Variants in BAZ1B observed in about 807,000 individuals in gnomAD.
BAZ1B encodes the protein bromodomain adjacent to zinc finger domain 1B, also known as tyrosine-protein kinase BAZ1B.
In BAZ1B, 22 loss-of-function variants were observed where a neutral mutation model predicts 153.8. The observed-to-expected ratio is 0.14, with a 90% confidence interval of 0.10 to 0.20. BAZ1B has a LOEUF of 0.20. Ranked by LOEUF, BAZ1B falls within the 10% of genes least tolerant of loss-of-function variation. The pLI is 1.00. For synonymous variants in BAZ1B, 676 were observed against 633.4 expected, an observed-to-expected ratio of 1.07 and a Z score of -1.01; for missense variants, 1,325 against 1,799.3, an observed-to-expected ratio of 0.74 and a Z score of 4.77.
chr7:73,512,241 G>C (rs1790616915), intron 1 of BAZ1B, among the ~76,000 whole-genome samples: 1 of 151,102 alleles, frequency 6.6e-6, no homozygotes, highest in Non-Finnish European at 1.5e-5. Flanking sequence ...GGACGGCTTT[G>C]AACACAGCCC....
intron 7 of BAZ1B, among the ~76,000 whole-genome samples, chr7:73,471,236 C>T (rs1554571959): frequency 1.3e-5 from 2 of 152,148 alleles, no homozygotes; most frequent in African/African-American, 4.8e-5. Context: ...GGCTTAATAG[C>T]CCTGATGACA....
chr7:73,508,378 A>T lies in BAZ1B; in HGVS notation c.318T>A (p.Ala106=), dbSNP rs1554578101. 6.2e-7 allele frequency: 1 copy of T among 1,614,074 alleles called. No individual in the cohort carries two copies. The highest frequency in any genetic ancestry group is 2.2e-5 in the East Asian group (1 of 44,878). Reference sequence around the variant, plus strand: ...CATATTTGGTCATGATCTCCAACCAAGCAGTATCTACTAACTTCTCTAAGG... The same window carrying T: ...CATATTTGGTCATGATCTCCAACCATGCAGTATCTACTAACTTCTCTAAGG... ...TASLEKLVDT[A]WLEIMTKYAV... The change falls in exon 3 of 20, where the codon GCT becomes GCA. Residue 106 remains alanine (A), a synonymous_variant. Transcript: ENST00000339594.
At chr7:73,443,649 C>G (rs1554565616) in intron 17 of BAZ1B, among the ~76,000 whole-genome samples, 2 of 152,194 alleles carry the variant, frequency 1.3e-5, no homozygotes, top group Non-Finnish European at 2.9e-5. Context: ...GTAAGTGAGG[C>G]TCCAGCATTG....
At chr7:73,462,790 C>A in intron 12 of BAZ1B, 132 bp downstream of exon 12, 1 of 1,009,066 alleles carries the variant, frequency 9.9e-7, no homozygotes, top group Non-Finnish European at 1.5e-6. Context: ...TGGTTCCATA[C>A]ATGTCTTCCA....
At chr7:73,452,455 G>A (rs782679730) in intron 13 of BAZ1B, among the ~76,000 whole-genome samples, 4 of 152,148 alleles carry the variant, frequency 2.6e-5, no homozygotes, top group Admixed American at 6.5e-5. Flanking sequence ...CGGGCGTGGT[G>A]GCTCACACCT....
At position 73,442,844 on chromosome 7, in the gene BAZ1B, G is replaced by A. The variant is rs1480284129; in HGVS notation, c.3991-16C>T. Reference sequence around the variant, plus strand: ...TCTGAAGCACCTGGCAGGAAAGAAAGAACAATGTTATTACAGATTCAAGAC... The same window carrying A: ...TCTGAAGCACCTGGCAGGAAAGAAAAAACAATGTTATTACAGATTCAAGAC... On this transcript the variant is annotated splice_polypyrimidine_tract_variant and intron_variant, in intron 17 of 19. Coordinates refer to ENST00000339594, the MANE Select transcript of BAZ1B (RefSeq NM_032408.4). 1.3e-6 allele frequency: 2 copies of A among 1,590,130 alleles called. No individual in the cohort carries two copies. Among genetic ancestry groups the A allele is most frequent in the Non-Finnish European group, 1.7e-6 (2 of 1,162,714 alleles).
chr7:73,498,756 G>A, intron 3 of BAZ1B, 58 bp from the exon 4 acceptor site: 1 of 1,468,400 alleles, frequency 6.8e-7, no homozygotes, highest in Middle Eastern at 1.9e-4. Context: ...ACCTGAAGAT[G>A]TTTAGAACAT....
At chr7:73,465,399 A>G (rs782496294) in intron 11 of BAZ1B, 40 bp downstream of exon 11, 1 of 1,327,800 alleles carries the variant, frequency 7.5e-7, no homozygotes, top group Admixed American at 2.3e-5. Flanking sequence ...CCAATGCTAA[A>G]GAGAAGTAAG....
intron 1 of BAZ1B, among the ~76,000 whole-genome samples, chr7:73,518,488 C>T (rs533469260): frequency 2.0e-5 from 3 of 151,998 alleles, no homozygotes; most frequent in Non-Finnish European, 4.4e-5. Flanking sequence ...TTCCAAATGT[C>T]CAGTAAAACT....
chr7:73,472,033 AG>A (rs1788824311), intron 7 of BAZ1B, among the ~76,000 whole-genome samples: 1 of 152,222 alleles, frequency 6.6e-6, no homozygotes, highest in Non-Finnish European at 1.5e-5. Context: ...AGTTATCCAA[AG>A]ACCTGAACTC....
rs1184357955 is a variant in BAZ1B at position 73,452,315 on chromosome 7, T to C, written c.3433-1321A>G. On this transcript the variant is annotated intron_variant, in intron 13 of 19. Coordinates refer to ENST00000339594, the MANE Select transcript of BAZ1B (RefSeq NM_032408.4). ...TATCTCATTGAATAGACATTGCACA[T>C]GCTGTTTATCCATTCATCAGCTGAC... 3.3e-5 allele frequency among the ~76,000 whole-genome samples: 5 copies of C among 152,296 alleles called. No homozygotes were observed. In the East Asian group the frequency reaches 9.6e-4, roughly 29 times the overall value.
intron 7 of BAZ1B, among the ~76,000 whole-genome samples, chr7:73,472,873 C>T (rs888632605): frequency 4.0e-5 from 6 of 151,716 alleles, no homozygotes; most frequent in Non-Finnish European, 7.4e-5. Flanking sequence ...TATCCTGTCT[C>T]AGCTTCCCGA....
chr7:73,495,082 G>A (rs996640013), intron 4 of BAZ1B, among the ~76,000 whole-genome samples: 1 of 152,132 alleles, frequency 6.6e-6, no homozygotes, highest in African/African-American at 2.4e-5. Flanking sequence ...TCCAGAGTTC[G>A]AGACCAGCCT....
At chr7:73,491,301 A>G (rs1789631474) in intron 5 of BAZ1B, among the ~76,000 whole-genome samples, 1 of 152,086 alleles carries the variant, frequency 6.6e-6, no homozygotes, top group Admixed American at 6.5e-5. Flanking sequence ...AGACAAAAAA[A>G]CAAAACAACA....
At chr7:73,486,807 T>C (rs535556596) in intron 6 of BAZ1B, among the ~76,000 whole-genome samples, 2 of 152,260 alleles carry the variant, frequency 1.3e-5, no homozygotes, top group Non-Finnish European at 2.9e-5. Flanking sequence ...CAACAGATTA[T>C]TTTAAATTTC....
chr7:73,494,623 C>A (rs1352210502), intron 4 of BAZ1B, among the ~76,000 whole-genome samples: 1 of 151,966 alleles, frequency 6.6e-6, no homozygotes, highest in East Asian at 1.9e-4. Flanking sequence ...GTGATGCACA[C>A]GTGTGGTCCC....
At chr7:73,468,142 CT>C (rs1362379150) in intron 9 of BAZ1B, among the ~76,000 whole-genome samples, 1 of 152,206 alleles carries the variant, frequency 6.6e-6, no homozygotes, top group African/African-American at 2.4e-5. Flanking sequence ...GAAGCAACTT[CT>C]TTTATTTCTT....
In BAZ1B at chr7:73,521,975, C is replaced by G; in HGVS notation, c.-42G>C. 1 of 1,359,574 alleles carries G rather than the reference C, an allele frequency of 7.4e-7. No individual in the cohort carries two copies. The highest frequency in any genetic ancestry group is 9.5e-7 in the Non-Finnish European group (1 of 1,049,696). The allele number at this position is 1,359,574 out of a possible 1,614,324, so 84.2% of individuals were successfully genotyped here. Reference sequence around the variant, plus strand: ...GGGACTGGCGGCTGCTGGGGCCGGCCCCGCGGCGCAGCACTAGGCCCCGCG... The same window carrying G: ...GGGACTGGCGGCTGCTGGGGCCGGCGCCGCGGCGCAGCACTAGGCCCCGCG... On this transcript the variant is annotated 5_prime_UTR_variant, in exon 1 of 20. Coordinates refer to ENST00000339594, the MANE Select transcript of BAZ1B (RefSeq NM_032408.4).
At chr7:73,465,591 T>C in intron 10 of BAZ1B, 54 bp from the exon 11 acceptor site, 1 of 1,186,968 alleles carries the variant, frequency 8.4e-7, no homozygotes, top group Non-Finnish European at 1.2e-6. Flanking sequence ...AAATTCAAAA[T>C]CAAACACTAA....
Sources: allele counts gnomAD v4.1 joint callset (sites outside exome capture counted in the v4.1 genomes callset), GRCh38; gene constraint gnomAD v4.1.1; transcripts MANE v1.5; gene names NCBI Gene and HGNC (gene_info 2026-07-23, HGNC 2026-07-21).